Variants in SLC27A2 observed in about 807,000 individuals in gnomAD.
SLC27A2 encodes the protein long-chain fatty acid transport protein 2.
In SLC27A2, 54 loss-of-function variants were observed where a neutral mutation model predicts 60.0. That is an observed-to-expected ratio of 0.90 (90% CI 0.72 to 1.13). SLC27A2 has a LOEUF of 1.13. Among genes scored for constraint, SLC27A2 ranks in the 50% most tolerant of loss-of-function variants. The probability of loss-of-function intolerance (pLI) is 0.00; values close to 1 mark genes in which losing one functional copy is unlikely to be tolerated. For missense variants in SLC27A2, 739 were observed against 777.6 expected (o/e 0.95, Z 0.59); for synonymous variants, 297 against 297.6 (o/e 1.00, Z 0.02).
chr15:50,206,030 G>A (rs1395471688), intron 4 of SLC27A2, among the ~76,000 whole-genome samples: 1 of 152,178 alleles, frequency 6.6e-6, no homozygotes, highest in African/African-American at 2.4e-5. Context: ...TCTCGATGGG[G>A]TTGTTCTCAA....
intron 4 of SLC27A2, among the ~76,000 whole-genome samples, chr15:50,208,280 T>C (rs947242548): frequency 2.0e-5 from 3 of 152,242 alleles, no homozygotes; most frequent in African/African-American, 7.2e-5. Flanking sequence ...CAGTGGGCTA[T>C]GGAGAATGCT....
intron 4 of SLC27A2, among the ~76,000 whole-genome samples, chr15:50,220,182 C>A (rs1030411421): frequency 6.6e-6 from 1 of 152,182 alleles, no homozygotes; most frequent in African/African-American, 2.4e-5. Flanking sequence ...CAGCTACCTG[C>A]TACTGGCAGG....
rs555407265 is a variant in SLC27A2, at chr15:50,213,659, C to T, written c.972+8296C>T. Among the ~76,000 whole-genome samples the T allele has an allele frequency of 1.6e-4, 24 of 152,190 alleles. 1 individual carries two copies. Among genetic ancestry groups the T allele is most frequent in the African/African-American group, 5.5e-4 (23 of 41,518 alleles). On this transcript the variant is annotated intron_variant, in intron 4 of 9. Coordinates refer to ENST00000267842, the MANE Select transcript of SLC27A2 (RefSeq NM_003645.4). ...AACTGGAAATTAACTCCAAAGGAAC[C>T]TTCAAAACCATGCAAATACAGGGAA...
intron 2 of SLC27A2, among the ~76,000 whole-genome samples, chr15:50,198,764 G>C (rs532863439): frequency 1.3e-5 from 2 of 152,182 alleles, no homozygotes; most frequent in South Asian, 4.2e-4. Flanking sequence ...TTTAATTTAA[G>C]CAGGTAATAC....
chr15:50,232,523 T>C (rs1186491143), intron 8 of SLC27A2, among the ~76,000 whole-genome samples: 1 of 152,102 alleles, frequency 6.6e-6, no homozygotes, highest in Non-Finnish European at 1.5e-5. Flanking sequence ...AGCCCAGAGC[T>C]CCTATAGGCT....
chr15:50,195,685 T>A (rs949449158), intron 1 of SLC27A2, among the ~76,000 whole-genome samples: 1 of 151,916 alleles, frequency 6.6e-6, no homozygotes, highest in African/African-American at 2.4e-5. Flanking sequence ...TCTATCCCGG[T>A]GATATTTCTT....
At chr15:50,223,189 T>C in intron 5 of SLC27A2, 30 bp downstream of exon 5, 1 of 1,532,318 alleles carries the variant, frequency 6.5e-7, no homozygotes, top group Non-Finnish European at 8.9e-7. Context: ...AGAGCATACG[T>C]AGCCAGTTTT....
At chr15:50,205,068 A>G (rs1019644681) in intron 3 of SLC27A2, among the ~76,000 whole-genome samples, 171 bp from the exon 4 acceptor site, 5 of 151,970 alleles carry the variant, frequency 3.3e-5, no homozygotes, top group African/African-American at 9.7e-5. Context: ...GCCCCTATCG[A>G]ACAAAACCAT....
intron 8 of SLC27A2, among the ~76,000 whole-genome samples, chr15:50,232,665 G>A (rs1595694075): frequency 6.6e-6 from 1 of 152,082 alleles, no homozygotes; most frequent in Admixed American, 6.5e-5. Flanking sequence ...GCAAGGAGAC[G>A]GTGAATGTGG....
rs1330703390 is a variant in SLC27A2, at chr15:50,182,696, A to G, written c.269A>G (p.Gln90Arg). 6.2e-7 allele frequency: 1 copy of G among 1,613,772 alleles called. No homozygotes were observed. The highest frequency in any genetic ancestry group is 2.2e-5 in the East Asian group (1 of 44,854). The change falls in exon 1 of 10, where the codon CAA becomes CGA. Residue 90 changes from glutamine (Q) to arginine (R), a missense_variant. Coordinates refer to ENST00000267842, the MANE Select transcript of SLC27A2 (RefSeq NM_003645.4). ...TYAQVDRRSNQVARALHDHLG... is the reference protein window; with the variant it reads ...TYAQVDRRSNRVARALHDHLG... ...GCGCAGGTGGACCGGCGCAGCAATC[A>G]AGTGGCCCGGGCGCTGCACGACCAC...
chr15:50,226,693 CTG>C (rs1471111273), intron 6 of SLC27A2, among the ~76,000 whole-genome samples: 2 of 152,122 alleles, frequency 1.3e-5, no homozygotes, highest in African/African-American at 4.8e-5. Context: ...GACTGCACCA[CTG>C]TACTCCAGCC....
rs190818090 is a variant in SLC27A2, at chr15:50,222,947, T to C, written c.973-18T>C. On this transcript the variant is annotated intron_variant, in intron 4 of 9. Transcript: ENST00000267842. ...CAGAGATGTTTCAGTTTGGTCTCCT[T>C]CTTCTCCCCCACCACAGAAACCAAA... is the stretch of plus-strand genomic sequence containing the variant. 504 of 1,588,486 alleles carry C rather than the reference T, an allele frequency of 3.2e-4. 2 individuals are homozygous for C. The highest frequency in any genetic ancestry group is 9.5e-4 in the East Asian group (42 of 44,442).
intron 8 of SLC27A2, among the ~76,000 whole-genome samples, chr15:50,232,756 C>G (rs573237897): frequency 3.3e-5 from 5 of 152,186 alleles, no homozygotes; most frequent in Non-Finnish European, 7.3e-5. Context: ...TGCTAGGGAC[C>G]CTAAACTAAG....
At chr15:50,227,247 G>T (rs570234651) in intron 7 of SLC27A2, 69 bp downstream of exon 7, 2 of 1,192,074 alleles carry the variant, frequency 1.7e-6, no homozygotes, top group African/African-American at 1.5e-5. Flanking sequence ...TAGTGGAATC[G>T]CATTCCACTT....
intron 8 of SLC27A2, among the ~76,000 whole-genome samples, chr15:50,230,681 G>A (rs2045311244): frequency 6.6e-6 from 1 of 152,198 alleles, no homozygotes; most frequent in African/African-American, 2.4e-5. Flanking sequence ...TCCCATTGGA[G>A]AACTCCCCAG....
chr15:50,201,177 T>C (rs2045060862), intron 2 of SLC27A2, among the ~76,000 whole-genome samples: 1 of 151,848 alleles, frequency 6.6e-6, no homozygotes, highest in African/African-American at 2.4e-5. Context: ...AGAGGAGGGG[T>C]CTCACTATGT....
intron 4 of SLC27A2, among the ~76,000 whole-genome samples, chr15:50,222,380 A>G (rs1425372967): frequency 6.6e-6 from 1 of 152,166 alleles, no homozygotes; most frequent in Admixed American, 6.5e-5. Context: ...CACAGGATCC[A>G]ACTGTTGCTC....
intron 4 of SLC27A2, among the ~76,000 whole-genome samples, chr15:50,213,883 A>G (rs2045175770): frequency 6.6e-6 from 1 of 152,132 alleles, no homozygotes; most frequent in Non-Finnish European, 1.5e-5. Flanking sequence ...CAGACAATCT[A>G]AGGTCACACC....
chr15:50,201,320 G>C (rs2045061758), intron 2 of SLC27A2, among the ~76,000 whole-genome samples: 1 of 152,126 alleles, frequency 6.6e-6, no homozygotes, highest in African/African-American at 2.4e-5. Context: ...TTATCCAAAA[G>C]ATATGGTGTC....
Sources: gnomAD v4.1 joint callset for allele counts (sites outside exome capture counted in the v4.1 genomes callset) on GRCh38, gnomAD v4.1.1 for gene constraint, MANE v1.5 for transcripts, NCBI Gene and HGNC (gene_info 2026-07-23, HGNC 2026-07-21) for gene names.